Variants in PLD5 observed in about 807,000 individuals in gnomAD.
The protein encoded by PLD5 is phospholipase D family member 5, also known as inactive phospholipase D5.
In PLD5, 36 loss-of-function variants were observed where a neutral mutation model predicts 61.1. The observed-to-expected ratio is 0.59, with a 90% CI of 0.45 to 0.78. The LOEUF (loss-of-function observed/expected upper bound fraction) is 0.78. Ranked by LOEUF, PLD5 falls within the 30% of genes least tolerant of loss-of-function variation. PLD5 has a pLI of 0.00. For synonymous variants in PLD5, 243 were observed against 242.8 expected, an observed-to-expected ratio of 1.00 and a Z score of -0.01; for missense variants, 515 against 644.4, an observed-to-expected ratio of 0.80 and a Z score of 2.17.
chr1:242,180,181 C>T (rs1362425963), intron 5 of PLD5, among the ~76,000 whole-genome samples: 1 of 152,100 alleles, frequency 6.6e-6, no homozygotes, highest in South Asian at 2.1e-4. Flanking sequence ...GAAACTAGGG[C>T]ACTCATTGTG....
chr1:242,502,760 G>A (rs901157803), intron 1 of PLD5, among the ~76,000 whole-genome samples: 72 of 152,198 alleles, frequency 4.7e-4, no homozygotes, highest in African/African-American at 1.7e-3. Context: ...GAAAGAAGTT[G>A]TAAAACAGAG....
At chr1:242,291,891 A>T (rs1675390902) in intron 2 of PLD5, among the ~76,000 whole-genome samples, 1 of 152,152 alleles carries the variant, frequency 6.6e-6, no homozygotes, top group African/African-American at 2.4e-5. Context: ...ATCAAAGAAG[A>T]AAAGACCATG....
chr1:242,273,644 T>TATTGGA (rs1216381575), intron 3 of PLD5, among the ~76,000 whole-genome samples: 1 of 152,222 alleles, frequency 6.6e-6, no homozygotes, highest in African/African-American at 2.4e-5. Flanking sequence ...CTGTCAATGT[T>TATTGGA]ACCTTATTTG....
intron 3 of PLD5, among the ~76,000 whole-genome samples, chr1:242,280,099 CA>C (rs1674637674): frequency 6.6e-6 from 1 of 152,102 alleles, no homozygotes; most frequent in Non-Finnish European, 1.5e-5. Context: ...ACCAAGCAAT[CA>C]AATGAGATAG....
intron 5 of PLD5, among the ~76,000 whole-genome samples, chr1:242,152,807 C>T (rs1665033194): frequency 6.6e-6 from 1 of 152,100 alleles, no homozygotes; most frequent in Admixed American, 6.5e-5. Context: ...AATAGTGCCA[C>T]AATAAACATA....
At chr1:242,441,732 C>T (rs920528634) in intron 1 of PLD5, among the ~76,000 whole-genome samples, 2 of 152,104 alleles carry the variant, frequency 1.3e-5, no homozygotes, top group African/African-American at 2.4e-5. Context: ...CCATCCTAGG[C>T]AGGGGAGCCA....
chr1:242,508,764 T>C (rs1465598410), intron 1 of PLD5, among the ~76,000 whole-genome samples: 1 of 152,076 alleles, frequency 6.6e-6, no homozygotes, highest in African/African-American at 2.4e-5. Flanking sequence ...AGTAGCCTAA[T>C]AAAATAATAA....
At chr1:242,342,090 G>A (rs536946978) in intron 2 of PLD5, among the ~76,000 whole-genome samples, 7 of 152,256 alleles carry the variant, frequency 4.6e-5, no homozygotes, top group South Asian at 4.2e-4. Flanking sequence ...CTTGCTTAAC[G>A]ATACTTTGCA....
chr1:242,496,789 T>A (rs1230483943), intron 1 of PLD5, among the ~76,000 whole-genome samples: 2 of 152,208 alleles, frequency 1.3e-5, no homozygotes. Context: ...CACCCCTGAA[T>A]GTTAGCTCAT....
chr1:242,486,364 A>C (rs1667959934), intron 1 of PLD5, among the ~76,000 whole-genome samples: 1 of 152,190 alleles, frequency 6.6e-6, no homozygotes, highest in Non-Finnish European at 1.5e-5. Flanking sequence ...AAACAAATTT[A>C]CAAGAAAAAA....
intron 1 of PLD5, among the ~76,000 whole-genome samples, chr1:242,458,167 T>C (rs1667000510): frequency 1.3e-5 from 2 of 152,228 alleles, no homozygotes; most frequent in African/African-American, 2.4e-5. Flanking sequence ...TCACTGATTA[T>C]ATTCACACAT....
chr1:242,109,863 G>A (rs984329767), intron 7 of PLD5, among the ~76,000 whole-genome samples: 1 of 151,880 alleles, frequency 6.6e-6, no homozygotes, highest in African/African-American at 2.4e-5. Context: ...GCTGAGGCAG[G>A]AACGGTGATC....
chr1:242,390,194 G>T (rs1662848228), intron 1 of PLD5, among the ~76,000 whole-genome samples: 2 of 151,940 alleles, frequency 1.3e-5, no homozygotes, highest in African/African-American at 2.4e-5. Context: ...GAGTAGCTGG[G>T]ATTACAGGCA....
At chr1:242,185,766 C>CTAT (rs997077464) in intron 5 of PLD5, among the ~76,000 whole-genome samples, 1 of 152,052 alleles carries the variant, frequency 6.6e-6, no homozygotes, top group African/African-American at 2.4e-5. Context: ...AACCTCTCTG[C>CTAT]TATTTTTTTT....
At chr1:242,139,730 G>A (rs928304653) in intron 5 of PLD5, among the ~76,000 whole-genome samples, 18 of 152,310 alleles carry the variant, frequency 1.2e-4, no homozygotes, top group African/African-American at 4.3e-4. Context: ...GCTGGAGGCA[G>A]ACAGGACAGG....
At chr1:242,113,834 G>A (rs914350557) in intron 7 of PLD5, 56 bp downstream of exon 7, 1 of 1,564,608 alleles carries the variant, frequency 6.4e-7, no homozygotes, top group African/African-American at 1.4e-5. Context: ...GTGGTGCCCA[G>A]TTTAGTGCCT....
At chr1:242,157,080 CTTCTA>C (rs1665432651) in intron 5 of PLD5, among the ~76,000 whole-genome samples, 3 of 151,818 alleles carry the variant, frequency 2.0e-5, no homozygotes, top group Non-Finnish European at 4.4e-5. Flanking sequence ...GTAATATTGT[CTTCTA>C]GCTTTATTTC....
At chr1:242,243,851 A>G (rs935604127) in intron 4 of PLD5, among the ~76,000 whole-genome samples, 2 of 152,220 alleles carry the variant, frequency 1.3e-5, no homozygotes, top group Admixed American at 6.5e-5. Context: ...TTTTAATTGG[A>G]AACACGGTAA....
chr1:242,364,974 GAA>G (rs35043995), intron 1 of PLD5, among the ~76,000 whole-genome samples: 123,646 of 149,228 alleles, frequency 0.83, 52,183 homozygotes, highest in South Asian at 0.9. Flanking sequence ...TACAGATAAG[GAA>G]AAAAAAAAAA....
Sources: allele counts gnomAD v4.1 joint callset (sites outside exome capture counted in the v4.1 genomes callset), GRCh38; gene constraint gnomAD v4.1.1; transcripts MANE v1.5; gene names NCBI Gene and HGNC (gene_info 2026-07-23, HGNC 2026-07-21).